CAP2: variants seen among roughly 807,000 people sequenced by gnomAD.
CAP2 encodes cyclase associated actin cytoskeleton regulatory protein 2.
Under a neutral mutation model 57.7 loss-of-function variants are expected in CAP2, and 24 were observed. That is an observed-to-expected ratio of 0.42 (90% CI 0.30 to 0.58). The LOEUF is 0.58. Among genes scored for constraint, CAP2 ranks in the 20% least tolerant of loss-of-function variants. The pLI is 0.22. For missense variants in CAP2, 501 were observed against 590.3 expected (o/e 0.85, Z 1.57); for synonymous variants, 194 against 207.2 (o/e 0.94, Z 0.55).
chr6:17,431,879 A>G (rs1759747313), intron 3 of CAP2, among the ~76,000 whole-genome samples: 1 of 152,098 alleles, frequency 6.6e-6, no homozygotes, highest in Non-Finnish European at 1.5e-5. Context: ...AGAGCTTGCA[A>G]TAGGGTGGCC....
intron 1 of CAP2, among the ~76,000 whole-genome samples, chr6:17,407,983 T>C (rs1347430695): frequency 6.6e-6 from 1 of 152,104 alleles, no homozygotes; most frequent in East Asian, 1.9e-4. Context: ...GGCTTTTCTT[T>C]TTTCATTTTC....
intron 3 of CAP2, among the ~76,000 whole-genome samples, chr6:17,442,301 C>T (rs886944960): frequency 6.6e-6 from 1 of 152,150 alleles, no homozygotes; most frequent in Non-Finnish European, 1.5e-5. Context: ...GTTCTTAATT[C>T]TCTGGGTCTT....
At chr6:17,397,126 C>T (rs2113493205) in intron 1 of CAP2, among the ~76,000 whole-genome samples, 1 of 152,220 alleles carries the variant, frequency 6.6e-6, no homozygotes, top group South Asian at 2.1e-4. Flanking sequence ...GTGGCACAGT[C>T]TCAGCTCACT....
chr6:17,407,232 C>T (rs1360531592), intron 1 of CAP2, among the ~76,000 whole-genome samples: 1 of 152,124 alleles, frequency 6.6e-6, no homozygotes, highest in Non-Finnish European at 1.5e-5. Flanking sequence ...ACTTTGGGCT[C>T]CCAGGTTCAA....
At chr6:17,484,387 T>C (rs76047676) in intron 4 of CAP2, among the ~76,000 whole-genome samples, 1,937 of 152,288 alleles carry the variant, frequency 0.013, 42 homozygotes, top group African/African-American at 0.043. Flanking sequence ...CTGGCTCAAA[T>C]GACCACAGGG....
intron 1 of CAP2, among the ~76,000 whole-genome samples, chr6:17,395,569 G>A (rs1049541347): frequency 6.6e-6 from 1 of 152,124 alleles, no homozygotes; most frequent in Non-Finnish European, 1.5e-5. Flanking sequence ...CTATTGAAAG[G>A]ATTAATGGGC....
At chr6:17,487,751 A>G (rs539762594) in intron 4 of CAP2, among the ~76,000 whole-genome samples, 2 of 152,162 alleles carry the variant, frequency 1.3e-5, no homozygotes, top group South Asian at 2.1e-4. Flanking sequence ...GATTTCAGAC[A>G]TGAGCCACCG....
chr6:17,540,540 C>T (rs936370420), intron 8 of CAP2, among the ~76,000 whole-genome samples: 1 of 151,996 alleles, frequency 6.6e-6, no homozygotes, highest in African/African-American at 2.4e-5. Flanking sequence ...CACCTGAGGT[C>T]AGGAGTTCAA....
intron 4 of CAP2, among the ~76,000 whole-genome samples, chr6:17,504,209 C>T (rs1010047708): frequency 6.6e-6 from 1 of 152,168 alleles, no homozygotes; most frequent in Admixed American, 6.5e-5. Flanking sequence ...CTGTTGTGCA[C>T]CCACAGTATA....
chr6:17,435,828 T>C (rs536947254), intron 3 of CAP2, among the ~76,000 whole-genome samples: 2 of 152,090 alleles, frequency 1.3e-5, no homozygotes, highest in Admixed American at 1.3e-4. Context: ...CTCTGTGTAG[T>C]TTATCACAGT....
At chr6:17,550,894 T>C (rs984028216) in intron 11 of CAP2, among the ~76,000 whole-genome samples, 2 of 152,206 alleles carry the variant, frequency 1.3e-5, no homozygotes, top group African/African-American at 4.8e-5. Flanking sequence ...ATTCATCTCA[T>C]GTAAGCCTCA....
chr6:17,425,926 C>G (rs1050010278), intron 2 of CAP2, among the ~76,000 whole-genome samples: 1 of 151,998 alleles, frequency 6.6e-6, no homozygotes, highest in African/African-American at 2.4e-5. Context: ...GAGACCCTGT[C>G]TCTACAAAAA....
chr6:17,476,343 A>G (rs558495165), intron 4 of CAP2, among the ~76,000 whole-genome samples: 2 of 152,332 alleles, frequency 1.3e-5, no homozygotes, highest in East Asian at 3.9e-4. Context: ...GTAAATAATC[A>G]TCAATAATAA....
chr6:17,431,783 G>A (rs1759744453), intron 3 of CAP2, among the ~76,000 whole-genome samples: 1 of 151,942 alleles, frequency 6.6e-6, no homozygotes, highest in Admixed American at 6.6e-5. Context: ...AATTTCTCAG[G>A]GCCTCTGTCT....
chr6:17,493,465 A>C, intron 4 of CAP2: 1 of 256,402 alleles, frequency 3.9e-6, no homozygotes, highest in South Asian at 3.9e-5. Context: ...TGTACCCATA[A>C]TGGAGGCTGG....
intron 3 of CAP2, among the ~76,000 whole-genome samples, chr6:17,435,705 G>A (rs968931810): frequency 1.2e-3 from 61 of 49,002 alleles, no homozygotes; most frequent in Middle Eastern, 0.015. Context: ...AAAAAAAAAA[G>A]AAGTTTACGG....
intron 1 of CAP2, among the ~76,000 whole-genome samples, chr6:17,397,961 T>C (rs1158323312): frequency 1.3e-5 from 2 of 152,090 alleles, no homozygotes; most frequent in Non-Finnish European, 2.9e-5. Flanking sequence ...TCCTTTGACT[T>C]ACACATTGAT....
chr6:17,481,519 A>G (rs907390980), intron 4 of CAP2, among the ~76,000 whole-genome samples: 1 of 152,196 alleles, frequency 6.6e-6, no homozygotes, highest in African/African-American at 2.4e-5. Flanking sequence ...AGATTCTGCT[A>G]ATACCTGATA....
intron 11 of CAP2, among the ~76,000 whole-genome samples, chr6:17,545,890 G>A (rs1581612501): frequency 1.3e-5 from 2 of 152,240 alleles, no homozygotes; most frequent in East Asian, 3.9e-4. Flanking sequence ...TTTTATGGCT[G>A]TATAGTATTC....
Sources: allele counts gnomAD v4.1 joint callset (sites outside exome capture counted in the v4.1 genomes callset), GRCh38; gene constraint gnomAD v4.1.1; transcripts MANE v1.5; gene names NCBI Gene and HGNC (gene_info 2026-07-23, HGNC 2026-07-21).